PCDHGA6: variants seen among roughly 807,000 people sequenced by gnomAD.
The protein encoded by PCDHGA6 is protocadherin gamma subfamily A, 6, also known as protocadherin gamma-A6.
In PCDHGA6, 41 loss-of-function variants were observed where a neutral mutation model predicts 60.6. The ratio of observed to expected loss-of-function variants is 0.68; its 90% CI spans 0.53 to 0.88. The LOEUF is 0.88. PCDHGA6 is among the 40% of genes least tolerant of loss of function. The pLI is 0.00. For synonymous variants in PCDHGA6, 594 were observed against 524.4 expected (o/e 1.13, Z -1.81); for missense variants, 1,312 against 1,203.0 (o/e 1.09, Z -1.34).
At chr5:141,508,570 C>T (rs1164806696) in intron 3 of PCDHGA6, among the ~76,000 whole-genome samples, 21 of 152,198 alleles carry the variant, frequency 1.4e-4, no homozygotes. Context: ...GTCACTTGCA[C>T]CCACTCGGGG....
At chr5:141,382,978 T>G in intron 1 of PCDHGA6, 1 of 1,610,702 alleles carries the variant, frequency 6.2e-7, no homozygotes, top group Non-Finnish European at 8.5e-7. Context: ...CTGGGAAGCC[T>G]GGGCAGGACG....
intron 1 of PCDHGA6, chr5:141,423,389 A>G (rs568843632): frequency 2.5e-6 from 4 of 1,614,160 alleles, no homozygotes; most frequent in Admixed American, 1.7e-5. Flanking sequence ...TGGCGCTGGC[A>G]TAAGTCACGC....
chr5:141,497,885 A>T (rs1469477968), intron 2 of PCDHGA6, among the ~76,000 whole-genome samples: 1 of 152,166 alleles, frequency 6.6e-6, no homozygotes, highest in Non-Finnish European at 1.5e-5. Flanking sequence ...AAGCGTTAGG[A>T]TCTAGTCCAG....
chr5:141,469,103 C>A (rs949254605), intron 1 of PCDHGA6, among the ~76,000 whole-genome samples: 2 of 151,844 alleles, frequency 1.3e-5, no homozygotes, highest in African/African-American at 2.4e-5. Context: ...AAAGCAAGAA[C>A]CTGTCTCTAA....
chr5:141,485,663 A>G lies in PCDHGA6; in HGVS notation c.2425-9144A>G, dbSNP rs1594506698. ...AAAGGCTCAGGATGCAGATGTGGGG[A>G]GCAATTCGATTAGCAGCTATAGGCT... On this transcript the variant is annotated intron_variant, in intron 1 of 3. Transcript: ENST00000517434. The surrounding 1 kb of genome is among the most constrained non-coding windows in gnomAD (Gnocchi z 5.7). The G allele has an allele frequency of 1.2e-6, 2 of 1,612,638 alleles. No homozygotes were observed. Among genetic ancestry groups the G allele is most frequent in the East Asian group, 4.5e-5 (2 of 44,840 alleles).
Position 141,374,002 on chromosome 5 carries a change from C to A in PCDHGA6, c.-82C>A, listed in dbSNP as rs1770015960. On this transcript the variant is annotated 5_prime_UTR_variant, in exon 1 of 4. Transcript: ENST00000517434. Reference sequence around the variant, plus strand: ...GTCTCTGCTTGTTGAAGGACCTTCACCGCTATTTCTGAGAAGAGCAAAAGT... The same window carrying A: ...GTCTCTGCTTGTTGAAGGACCTTCAACGCTATTTCTGAGAAGAGCAAAAGT... 2 of 1,320,574 alleles carry A rather than the reference C, an allele frequency of 1.5e-6. No homozygotes were observed. The highest frequency in any genetic ancestry group is 4.1e-5 in the South Asian group (2 of 48,720). The allele number at this position is 1,320,574 out of a possible 1,614,324, so 81.8% of individuals were successfully genotyped here. A position where few individuals can be genotyped will look rare whatever the true frequency, so the allele number is the denominator to read the frequency against.
chr5:141,507,796 G>GGGAA (rs2099863457), intron 3 of PCDHGA6, among the ~76,000 whole-genome samples: 1 of 152,220 alleles, frequency 6.6e-6, no homozygotes, highest in Admixed American at 6.5e-5. Flanking sequence ...GTCTAAGCCT[G>GGGAA]CGCCCTGGGG....
At position 141,422,030 on chromosome 5, in the gene PCDHGA6, C is replaced by T. The variant is rs1404612424; in HGVS notation, c.2424+45523C>T. ...ACTCGGGTGCTGATGGTTAATGCAA[C>T]GGATCCAGACGAGGGAATCAACGGG... On this transcript the variant is annotated intron_variant, in intron 1 of 3. Coordinates refer to ENST00000517434, the MANE Select transcript of PCDHGA6 (RefSeq NM_018919.3). 3 of 1,609,592 alleles carry T rather than the reference C, an allele frequency of 1.9e-6. No homozygotes were observed. The South Asian group carries it at 3.3e-5, about 18-fold the overall frequency.
At chr5:141,428,286 A>G in intron 1 of PCDHGA6, 1 of 730,462 alleles carries the variant, frequency 1.4e-6, no homozygotes, top group Non-Finnish European at 2.4e-6. Flanking sequence ...ATTCCCAAGC[A>G]AAGCTGCAGA....
intron 1 of PCDHGA6, chr5:141,398,327 G>C (rs1348307728): frequency 7.4e-7 from 1 of 1,353,452 alleles, no homozygotes; most frequent in Non-Finnish European, 1.0e-6. Flanking sequence ...CGAAAACTGC[G>C]CGTCAGTTCG....
chr5:141,477,978 T>A lies in PCDHGA6; in HGVS notation c.2425-16829T>A. ...TCCCCTAACCAGAGCCTTTTTGCCA[T>A]AGGGCTGCACACTGGTCAAATCAGT... is the stretch of plus-strand genomic sequence containing the variant. On this transcript the variant is annotated intron_variant, in intron 1 of 3. Transcript: ENST00000517434. The surrounding 1 kb of genome is among the most constrained non-coding windows in gnomAD (Gnocchi z 4.9). The A allele has an allele frequency of 6.2e-7, 1 of 1,614,120 alleles. No individual in the cohort carries two copies. Among genetic ancestry groups the A allele is most frequent in the Non-Finnish European group, 8.5e-7 (1 of 1,180,022 alleles).
intron 1 of PCDHGA6, among the ~76,000 whole-genome samples, chr5:141,444,466 C>A (rs539222916): frequency 1.3e-5 from 2 of 151,982 alleles, no homozygotes; most frequent in African/African-American, 4.8e-5. Flanking sequence ...TCACTGCGCC[C>A]GGTCGCGTAC....
intron 1 of PCDHGA6, among the ~76,000 whole-genome samples, chr5:141,474,062 C>G (rs745636246): frequency 6.6e-6 from 1 of 152,104 alleles, no homozygotes; most frequent in Non-Finnish European, 1.5e-5. Flanking sequence ...AGAGCGAGAT[C>G]CTGCCTCAGA....
chr5:141,418,314 C>T, intron 1 of PCDHGA6: 1 of 1,613,988 alleles, frequency 6.2e-7, no homozygotes. Context: ...GGGATGGGAA[C>T]AATTCTTGAG....
rs1330713312 is a variant in PCDHGA6 at position 141,414,559 on chromosome 5, T to G, written c.2424+38052T>G. The stretch of plus-strand genomic sequence containing the variant: ...ACCTACCTTCTCTCAAGTCTCCTAC[T>G]TTACCTATATCCCAGAGAACAACGC... On this transcript the variant is annotated intron_variant, in intron 1 of 3. Coordinates refer to ENST00000517434, the MANE Select transcript of PCDHGA6 (RefSeq NM_018919.3). 5.0e-6 allele frequency: 8 copies of G among 1,613,782 alleles called. No homozygotes were observed. The Admixed American group carries it at 1.0e-4, about 20-fold the overall frequency.
chr5:141,485,886 A>G lies in PCDHGA6; in HGVS notation c.2425-8921A>G. 1.9e-6 allele frequency: 3 copies of G among 1,614,132 alleles called. No individual in the cohort carries two copies. Among genetic ancestry groups the G allele is most frequent in the Non-Finnish European group, 2.5e-6 (3 of 1,180,016 alleles). On this transcript the variant is annotated intron_variant, in intron 1 of 3. Transcript: ENST00000517434. This position sits in a 1 kb window ranked among gnomAD's most constrained non-coding sequence, Gnocchi z 5.7. ...GTATCCGTGCTGGACGTAAACGACAACGCCCCAGCCTTCCAGCAATCCAGC... is the reference window on the plus strand; with the variant it reads ...GTATCCGTGCTGGACGTAAACGACAGCGCCCCAGCCTTCCAGCAATCCAGC...
intron 1 of PCDHGA6, among the ~76,000 whole-genome samples, chr5:141,425,922 A>G (rs1485934946): frequency 6.6e-6 from 1 of 152,240 alleles, no homozygotes; most frequent in Non-Finnish European, 1.5e-5. Context: ...TCACTACGAA[A>G]ACTCATAAAA....
At position 141,432,552 on chromosome 5, in the gene PCDHGA6, C is replaced by G. The variant is rs1181931321; in HGVS notation, c.2424+56045C>G. ...AAGGTGGTGGCGGTGGACAGAGACT[C>G]CGGCCAGAACGCCTGGCTGTCCTAC... On this transcript the variant is annotated intron_variant, in intron 1 of 3. Coordinates refer to ENST00000517434, the MANE Select transcript of PCDHGA6 (RefSeq NM_018919.3). The surrounding 1 kb of genome is among the most constrained non-coding windows in gnomAD (Gnocchi z 6.0). The G allele has an allele frequency of 6.2e-7, 1 of 1,613,970 alleles. No homozygotes were observed. The highest frequency in any genetic ancestry group is 1.1e-5 in the South Asian group (1 of 91,064).
intron 1 of PCDHGA6, chr5:141,399,809 C>A (rs547922730): frequency 1.2e-6 from 2 of 1,613,222 alleles, no homozygotes; most frequent in Admixed American, 1.7e-5. Flanking sequence ...GTGCTGTACC[C>A]CGCGCTGGGT....
Sources: allele counts gnomAD v4.1 joint callset (sites outside exome capture counted in the v4.1 genomes callset), GRCh38; gene constraint gnomAD v4.1.1; non-coding constraint Gnocchi (gnomAD v3.1); transcripts MANE v1.5; gene names NCBI Gene and HGNC (gene_info 2026-07-23, HGNC 2026-07-21).